Variants in PALM2AKAP2 observed in about 807,000 individuals in gnomAD.
PALM2AKAP2 encodes PALM2 and AKAP2 fusion.
PALM2AKAP2 carries 37 observed loss-of-function variants against 71.5 expected under a neutral mutation model. The ratio of observed to expected loss-of-function variants is 0.52; its 90% CI spans 0.40 to 0.68. The LOEUF is 0.68. PALM2AKAP2 is among the 30% of genes least tolerant of loss of function. PALM2AKAP2 has a pLI of 0.00. For synonymous variants in PALM2AKAP2, 468 were observed against 478.8 expected, an observed-to-expected ratio of 0.98 and a Z score of 0.29; for missense variants, 1,224 against 1,191.8, an observed-to-expected ratio of 1.03 and a Z score of -0.40.
chr9:109,657,274 T>C (rs938980371), intron 1 of PALM2AKAP2, among the ~76,000 whole-genome samples: 7 of 152,270 alleles, frequency 4.6e-5, no homozygotes, highest in Admixed American at 2.0e-4. Flanking sequence ...ACCAGCCTGA[T>C]GGCCTTTCAT....
chr9:109,982,860 G>A (rs1490112040), intron 6 of PALM2AKAP2, among the ~76,000 whole-genome samples: 1 of 152,166 alleles, frequency 6.6e-6, no homozygotes, highest in Non-Finnish European at 1.5e-5. Context: ...CTGATCTCAA[G>A]TGATCCTCTT....
At chr9:109,852,641 C>T (rs1829052836) in intron 1 of PALM2AKAP2, among the ~76,000 whole-genome samples, 1 of 152,190 alleles carries the variant, frequency 6.6e-6, no homozygotes, top group Non-Finnish European at 1.5e-5. Context: ...CTAATTTGCA[C>T]TCCCAAAAAC....
intron 6 of PALM2AKAP2, among the ~76,000 whole-genome samples, chr9:110,011,763 G>A (rs933905906): frequency 6.6e-6 from 1 of 152,112 alleles, no homozygotes; most frequent in African/African-American, 2.4e-5. Flanking sequence ...AAGATTCTTA[G>A]CATTGTGTCC....
intron 1 of PALM2AKAP2, among the ~76,000 whole-genome samples, chr9:109,829,027 G>A (rs1170774947): frequency 6.6e-6 from 1 of 152,232 alleles, no homozygotes; most frequent in Non-Finnish European, 1.5e-5. Context: ...ATGTTATAGT[G>A]CTTTAGTTAT....
At chr9:110,084,684 A>G (rs1834521016) in intron 1 of PALM2AKAP2, among the ~76,000 whole-genome samples, 1 of 152,194 alleles carries the variant, frequency 6.6e-6, no homozygotes, top group South Asian at 2.1e-4. Context: ...CATGATAAAA[A>G]AAAGTCTGTG....
rs1828523019 is a variant in PALM2AKAP2 at position 109,729,450 on chromosome 9, G to GATGATTCT, written c.6-51028_6-51021dup. Among the ~76,000 whole-genome samples, 5 of 152,332 alleles carry GATGATTCT rather than the reference G, an allele frequency of 3.3e-5. No individual in the cohort carries two copies. In the South Asian group the frequency reaches 8.3e-4, roughly 25 times the overall value. ...TCGCTTCCACAGGCAGTGGACATTA[G>GATGATTCT]ATGATTCTATGATTCTAGCCATCTG... On this transcript the variant is annotated intron_variant, in intron 1 of 6. Coordinates refer to the PALM2AKAP2 transcript ENST00000374531.
intron 1 of PALM2AKAP2, among the ~76,000 whole-genome samples, chr9:109,700,423 G>A (rs541149830): frequency 4.6e-5 from 7 of 152,296 alleles, no homozygotes; most frequent in Admixed American, 1.3e-4. Flanking sequence ...CCCCAGTCAT[G>A]TGGAACTGTG....
intron 1 of PALM2AKAP2, among the ~76,000 whole-genome samples, chr9:109,762,649 C>T (rs1829073974): frequency 6.6e-6 from 1 of 151,078 alleles, no homozygotes; most frequent in African/African-American, 2.5e-5. Flanking sequence ...GTAAGTCACT[C>T]ACTGTGAGGC....
At chr9:109,846,475 T>C (rs2131607033) in intron 1 of PALM2AKAP2, among the ~76,000 whole-genome samples, 1 of 152,296 alleles carries the variant, frequency 6.6e-6, no homozygotes, top group Non-Finnish European at 1.5e-5. Context: ...AGCTGTGTGA[T>C]TTAGGATTCA....
intron 1 of PALM2AKAP2, among the ~76,000 whole-genome samples, chr9:110,067,939 T>C (rs539817): frequency 0.74 from 109,003 of 148,210 alleles, 40,541 homozygotes; most frequent in African/African-American, 0.8. Flanking sequence ...TAAATTTTGA[T>C]GCTTTCATTT....
intron 1 of PALM2AKAP2, among the ~76,000 whole-genome samples, chr9:109,855,275 G>A (rs1829132787): frequency 6.6e-6 from 1 of 151,684 alleles, no homozygotes; most frequent in Non-Finnish European, 1.5e-5. Flanking sequence ...GTTTCACCAT[G>A]TTGCCCAGGC....
At chr9:110,057,301 A>G (rs144549075) in intron 1 of PALM2AKAP2, among the ~76,000 whole-genome samples, 1 of 151,632 alleles carries the variant, frequency 6.6e-6, no homozygotes, top group East Asian at 1.9e-4. Context: ...TGGAAGTCAC[A>G]TAACCATCCA....
Position 110,116,376 on chromosome 9 carries a change from G to A in PALM2AKAP2, c.157-19751G>A, listed in dbSNP as rs144743590. Among the ~76,000 whole-genome samples the A allele has an allele frequency of 1.4e-3, 214 of 151,640 alleles. 1 individual carries two copies. The highest frequency in any genetic ancestry group is 2.5e-3 in the Non-Finnish European group (171 of 67,876). On this transcript the variant is annotated intron_variant, in intron 1 of 3. Transcript: ENST00000374525. ...AGCCCGTGTGTGCGTGTGTGTGTGC[G>A]TGTGTGTGTGTGCGCATGTGTGTGC... is the stretch of plus-strand genomic sequence containing the variant.
At chr9:109,930,489 G>A (rs976164988) in intron 5 of PALM2AKAP2, among the ~76,000 whole-genome samples, 1 of 152,254 alleles carries the variant, frequency 6.6e-6, no homozygotes, top group African/African-American at 2.4e-5. Flanking sequence ...GTCTCCCAAA[G>A]TGCTGGGATT....
At chr9:110,115,875 T>C (rs1165168755) in intron 1 of PALM2AKAP2, among the ~76,000 whole-genome samples, 1 of 152,204 alleles carries the variant, frequency 6.6e-6, no homozygotes. Context: ...GGTAGGTCCT[T>C]TTGTTAAGTG....
chr9:109,923,923 G>C (rs1465525099), intron 4 of PALM2AKAP2, 74 bp downstream of exon 4: 5 of 1,394,784 alleles, frequency 3.6e-6, no homozygotes, highest in Non-Finnish European at 4.8e-6. Context: ...GTGCTAACTG[G>C]GAAACAGGCC....
At chr9:109,965,102 G>GGAAAACAGTATTTATAAGCCCTA (rs1203877561) in intron 6 of PALM2AKAP2, among the ~76,000 whole-genome samples, 1 of 152,160 alleles carries the variant, frequency 6.6e-6, no homozygotes, top group Non-Finnish European at 1.5e-5. Context: ...AGAATCCTCA[G>GGAAAACAGTATTTATAAGCCCTA]GAAAACAGTA....
At chr9:109,847,924 T>A (rs935371051) in intron 1 of PALM2AKAP2, among the ~76,000 whole-genome samples, 1 of 152,186 alleles carries the variant, frequency 6.6e-6, no homozygotes, top group Non-Finnish European at 1.5e-5. Context: ...TAAGTCCACC[T>A]TTTACAGAAA....
chr9:109,782,744 T>TTG (rs71492863), intron 1 of PALM2AKAP2, among the ~76,000 whole-genome samples: 6,365 of 144,204 alleles, frequency 0.044, 203 homozygotes, highest in East Asian at 0.19. Flanking sequence ...GTGTGTTTGT[T>TTG]TGTGTGTGTG....
Sources: allele counts gnomAD v4.1 joint callset (sites outside exome capture counted in the v4.1 genomes callset), GRCh38; gene constraint gnomAD v4.1.1; transcripts MANE v1.5; gene names NCBI Gene and HGNC (gene_info 2026-07-23, HGNC 2026-07-21).